CNTN1: variants seen among roughly 807,000 people sequenced by gnomAD.
CNTN1 encodes contactin 1.
In CNTN1, 38 loss-of-function variants were observed where a neutral mutation model predicts 126.4. The ratio of observed to expected loss-of-function variants is 0.30; its 90% CI spans 0.23 to 0.39. CNTN1 has a LOEUF of 0.39. CNTN1 is among the 10% of genes least tolerant of loss of function. The pLI, the probability that CNTN1 is intolerant of heterozygous loss-of-function variation, is 1.00. For synonymous variants in CNTN1, 413 were observed against 422.6 expected, an observed-to-expected ratio of 0.98 and a Z score of 0.28; for missense variants, 1,009 against 1,248.4, an observed-to-expected ratio of 0.81 and a Z score of 2.89.
At chr12:40,745,327 G>A (rs1294538978) in intron 1 of CNTN1, among the ~76,000 whole-genome samples, 6 of 152,004 alleles carry the variant, frequency 3.9e-5, no homozygotes, top group Admixed American at 6.6e-5. Flanking sequence ...CAAGGTGCTC[G>A]GCCCACAGCT....
intron 1 of CNTN1, among the ~76,000 whole-genome samples, chr12:40,801,169 A>G (rs997058132): frequency 2.0e-5 from 3 of 152,016 alleles, no homozygotes; most frequent in East Asian, 1.9e-4. Context: ...AGCAGCAAGC[A>G]TCTCAGTTCT....
At chr12:40,825,688 C>A (rs1258325035) in intron 1 of CNTN1, among the ~76,000 whole-genome samples, 1 of 152,064 alleles carries the variant, frequency 6.6e-6, no homozygotes, top group Non-Finnish European at 1.5e-5. Flanking sequence ...TCTACTTTTC[C>A]TCCATCATTT....
chr12:40,920,207 G>A (rs1945386821), intron 4 of CNTN1, among the ~76,000 whole-genome samples: 1 of 152,126 alleles, frequency 6.6e-6, no homozygotes, highest in Admixed American at 6.6e-5. Context: ...TAGCAAATCA[G>A]TCTCTAGGCT....
intron 1 of CNTN1, among the ~76,000 whole-genome samples, chr12:40,720,783 G>T (rs1481245044): frequency 6.6e-6 from 1 of 151,776 alleles, no homozygotes; most frequent in African/African-American, 2.4e-5. Flanking sequence ...AAAAATATTA[G>T]CTGGGCGTGG....
chr12:40,943,913 A>G, intron 13 of CNTN1, 82 bp from the exon 14 acceptor site: 4 of 1,416,364 alleles, frequency 2.8e-6, no homozygotes, highest in Admixed American at 1.9e-5. Flanking sequence ...AAATAAAAAT[A>G]TATTGGTTAT....
rs140417447 is a variant in CNTN1 at position 40,899,129 on chromosome 12, C to T, written c.-76-9228C>T. Among the ~76,000 whole-genome samples, 84 of 152,270 alleles carry T rather than the reference C, an allele frequency of 5.5e-4. 1 individual carries two copies. In the East Asian group the frequency reaches 0.015, roughly 27 times the overall value. On this transcript the variant is annotated intron_variant, in intron 1 of 23. Coordinates refer to ENST00000551295, the MANE Select transcript of CNTN1 (RefSeq NM_001843.4). ...TCTTTACAGGTCTTATCCTTTTATG[C>T]TTATATGTGAGAGCAAAAGAGAAAG...
chr12:40,830,842 A>G (rs1230244038), intron 1 of CNTN1, among the ~76,000 whole-genome samples: 1 of 114,062 alleles, frequency 8.8e-6, no homozygotes, highest in African/African-American at 3.2e-5. Context: ...TATACTCTTT[A>G]TCTGTCTACC....
intron 1 of CNTN1, among the ~76,000 whole-genome samples, chr12:40,767,613 TTTGTTTGTTTGTTTG>T (rs1939166552): frequency 4.3e-5 from 1 of 23,176 alleles, no homozygotes; most frequent in Non-Finnish European, 9.1e-5. Flanking sequence ...TGGCCCTTTT[TTTGTTTGTTTGTTTG>T]TTTGTTTGTT....
At chr12:40,971,209 G>C (rs953140920) in intron 15 of CNTN1, among the ~76,000 whole-genome samples, 4 of 152,156 alleles carry the variant, frequency 2.6e-5, no homozygotes, top group Non-Finnish European at 4.4e-5. Context: ...TCCTTAGAAA[G>C]TCAGTCACTG....
intron 3 of CNTN1, among the ~76,000 whole-genome samples, chr12:40,911,975 G>C (rs1945054194): frequency 6.6e-6 from 1 of 150,710 alleles, no homozygotes; most frequent in South Asian, 2.1e-4. Flanking sequence ...AACCAACAAT[G>C]TCTGCGAATT....
chr12:41,062,330 T>C (rs1747620850), intron 23 of CNTN1, among the ~76,000 whole-genome samples: 1 of 152,208 alleles, frequency 6.6e-6, no homozygotes, highest in African/African-American at 2.4e-5. Flanking sequence ...TGATATATAG[T>C]TCAAAGAAAA....
At chr12:40,927,641 A>T (rs1353847063) in intron 6 of CNTN1, among the ~76,000 whole-genome samples, 1 of 152,156 alleles carries the variant, frequency 6.6e-6, no homozygotes, top group Non-Finnish European at 1.5e-5. Flanking sequence ...TTTAAAAATA[A>T]GTAAGATTTG....
In CNTN1 at chr12:40,921,384, G is replaced by A. The variant is rs537124872; in HGVS notation, c.228-872G>A. 2.0e-5 allele frequency among the ~76,000 whole-genome samples: 3 copies of A among 152,218 alleles called. No homozygotes were observed. In the South Asian group the frequency reaches 6.2e-4, roughly 32 times the overall value. On this transcript the variant is annotated intron_variant, in intron 4 of 23. Coordinates refer to ENST00000551295, the MANE Select transcript of CNTN1 (RefSeq NM_001843.4). ...CATGGAACTTTAAAGGATAAACCCT[G>A]ATAAAGAATGATTATAAAATTATAC...
intron 6 of CNTN1, 91 bp downstream of exon 6, chr12:40,924,743 T>C (rs895519412): frequency 3.0e-5 from 22 of 733,820 alleles, no homozygotes. Context: ...TTATTAATAA[T>C]CATGGCTTAT....
intron 1 of CNTN1, among the ~76,000 whole-genome samples, chr12:40,883,932 A>G (rs1759612309): frequency 6.6e-6 from 1 of 151,622 alleles, no homozygotes; most frequent in Non-Finnish European, 1.5e-5. Flanking sequence ...TTTAATAGTA[A>G]TTTCTATTAA....
intron 1 of CNTN1, among the ~76,000 whole-genome samples, chr12:40,739,882 A>G (rs1279898559): frequency 1.3e-5 from 2 of 152,076 alleles, no homozygotes; most frequent in Non-Finnish European, 2.9e-5. Flanking sequence ...AGAAGAAAAC[A>G]TATTACACTA....
chr12:40,978,987 C>T (rs887057465), intron 15 of CNTN1: 1 of 152,004 alleles, frequency 6.6e-6, no homozygotes, highest in Non-Finnish European at 1.5e-5. Context: ...TAGTAATTGA[C>T]TTAGGATGCT....
chr12:40,961,173 A>G (rs1188939299), intron 15 of CNTN1, among the ~76,000 whole-genome samples: 1 of 152,036 alleles, frequency 6.6e-6, no homozygotes, highest in Non-Finnish European at 1.5e-5. Flanking sequence ...TCCTTGCACT[A>G]TAGTAGGATG....
intron 1 of CNTN1, among the ~76,000 whole-genome samples, chr12:40,697,879 T>A (rs1225488240): frequency 6.6e-6 from 1 of 152,224 alleles, no homozygotes; most frequent in African/African-American, 2.4e-5. Flanking sequence ...CTATGGAAGA[T>A]ATTAATGGCC....
Sources: gnomAD v4.1 joint callset for allele counts (sites outside exome capture counted in the v4.1 genomes callset) on GRCh38, gnomAD v4.1.1 for gene constraint, MANE v1.5 for transcripts, NCBI Gene and HGNC (gene_info 2026-07-23, HGNC 2026-07-21) for gene names.